CD1B: variants seen among roughly 807,000 people sequenced by gnomAD.
CD1B encodes T-cell surface glycoprotein CD1b.
A neutral mutation model predicts 39.8 loss-of-function variants in CD1B; 43 were observed. The ratio of observed to expected loss-of-function variants is 1.08; its 90% confidence interval spans 0.85 to 1.39. The LOEUF is 1.39. Among genes scored for constraint, CD1B ranks in the 40% most tolerant of loss-of-function variants. CD1B has a pLI of 0.00. For synonymous variants in CD1B, 192 were observed against 152.5 expected (o/e 1.26, Z -1.91); for missense variants, 495 against 403.8 (o/e 1.23, Z -1.94).
chr1:158,330,535 A>G (rs1412050110), intron 2 of CD1B: 2 of 654,172 alleles, frequency 3.1e-6, no homozygotes, highest in Non-Finnish European at 5.6e-6. Context: ...CTTGAGGAGA[A>G]GTTTCACATA....
At chr1:158,292,088 C>T in the CD1B span, 12 of 1,613,050 alleles carry the variant, frequency 7.4e-6, no homozygotes, top group South Asian at 1.3e-4. Context: ...CTCCAGATCC[C>T]TTTGAAGTAC....
chr1:158,329,142 C>A, intron 4 of CD1B, 128 bp from the exon 5 acceptor site: 1 of 937,244 alleles, frequency 1.1e-6, no homozygotes, highest in East Asian at 2.6e-5. Context: ...TCCTGGCCAC[C>A]ATATATCCAT....
chr1:158,329,028 G>A lies in CD1B; in HGVS notation c.887-14C>T. 6 of 1,595,248 alleles carry A rather than the reference G, an allele frequency of 3.8e-6. No individual in the cohort carries two copies. The highest frequency in any genetic ancestry group is 4.3e-6 in the Non-Finnish European group (5 of 1,165,724). ...AGGTGGGGTTTCCTGGCAATTGAGA[G>A]AGGACAAAAGGATGTCACTTCAGAT... On this transcript the variant is annotated splice_polypyrimidine_tract_variant and intron_variant, in intron 4 of 5. Transcript: ENST00000368168.
chr1:158,319,385 AC>A, the CD1B span, among the ~76,000 whole-genome samples: 4 of 151,790 alleles, frequency 2.6e-5, no homozygotes, highest in Non-Finnish European at 5.9e-5. Flanking sequence ...TTTTCTCTAA[AC>A]TTCCCTTCTC....
At chr1:158,289,554 G>T in the CD1B span, among the ~76,000 whole-genome samples, 1 of 152,142 alleles carries the variant, frequency 6.6e-6, no homozygotes, top group Admixed American at 6.5e-5. Context: ...ATTGGAAAGA[G>T]AAAACTTTGA....
chr1:158,315,354 T>G, the CD1B span, among the ~76,000 whole-genome samples: 2 of 151,682 alleles, frequency 1.3e-5, no homozygotes, highest in African/African-American at 4.8e-5. Context: ...CCATTCTAAC[T>G]GGTGTGAGAT....
the CD1B span, among the ~76,000 whole-genome samples, chr1:158,304,766 A>G: frequency 1.3e-5 from 2 of 152,126 alleles, no homozygotes; most frequent in Non-Finnish European, 2.9e-5. Context: ...CGGCAGCAAC[A>G]TTTGCTGTTC....
At chr1:158,287,302 C>CAG in the CD1B span, among the ~76,000 whole-genome samples, 3 of 151,990 alleles carry the variant, frequency 2.0e-5, no homozygotes, top group African/African-American at 7.3e-5. Flanking sequence ...CACACACACA[C>CAG]AGAGACAGAG....
the CD1B span, among the ~76,000 whole-genome samples, chr1:158,312,317 A>C: frequency 6.6e-6 from 1 of 152,160 alleles, no homozygotes; most frequent in Non-Finnish European, 1.5e-5. Flanking sequence ...AGTAGTTTCC[A>C]TGCACAAACT....
At chr1:158,312,077 C>T in the CD1B span, among the ~76,000 whole-genome samples, 8 of 152,192 alleles carry the variant, frequency 5.3e-5, no homozygotes, top group South Asian at 8.3e-4. Context: ...CTGTAGATTG[C>T]TTTGGGTAGT....
At chr1:158,305,752 C>A in the CD1B span, among the ~76,000 whole-genome samples, 1 of 152,194 alleles carries the variant, frequency 6.6e-6, no homozygotes, top group Non-Finnish European at 1.5e-5. Context: ...ACTCTACAAG[C>A]CAGAAGAGAG....
At chr1:158,289,725 AC>A in the CD1B span, 1 of 201,450 alleles carries the variant, frequency 5.0e-6, no homozygotes, top group Non-Finnish European at 1.0e-5. Flanking sequence ...CTTACAAATG[AC>A]ATGCAAAATC....
At chr1:158,307,636 G>A in the CD1B span, among the ~76,000 whole-genome samples, 1 of 152,078 alleles carries the variant, frequency 6.6e-6, no homozygotes, top group Admixed American at 6.6e-5. Flanking sequence ...AACAAAAAAA[G>A]ACAATTTTAG....
chr1:158,307,545 A>G, the CD1B span, among the ~76,000 whole-genome samples: 2 of 152,186 alleles, frequency 1.3e-5, no homozygotes, highest in East Asian at 1.9e-4. Context: ...AATTATTCCA[A>G]TCAATAGAAA....
At chr1:158,315,138 G>A in the CD1B span, among the ~76,000 whole-genome samples, 7 of 151,962 alleles carry the variant, frequency 4.6e-5, no homozygotes, top group Admixed American at 4.6e-4. Context: ...TGTCTTTATA[G>A]CAGCATGATT....
At chr1:158,319,381 C>T in the CD1B span, among the ~76,000 whole-genome samples, 2 of 152,106 alleles carry the variant, frequency 1.3e-5, no homozygotes, top group Admixed American at 6.5e-5. Flanking sequence ...TCTTTTTTCT[C>T]TAAACTTCCC....
the CD1B span, chr1:158,292,715 C>T: frequency 1.2e-6 from 2 of 1,614,190 alleles, no homozygotes; most frequent in Non-Finnish European, 1.7e-6. Context: ...GCGGAATGAA[C>T]AGGAGCAACT....
At chr1:158,322,995 T>A (rs1251173882), downstream of CD1B, among the ~76,000 whole-genome samples, 1 of 152,204 alleles carries the variant, frequency 6.6e-6, no homozygotes, top group Non-Finnish European at 1.5e-5. Context: ...ATATGATTGA[T>A]GGCCTTTGAC....
At chr1:158,298,983 T>G in the CD1B span, among the ~76,000 whole-genome samples, 1 of 152,192 alleles carries the variant, frequency 6.6e-6, no homozygotes, top group African/African-American at 2.4e-5. Context: ...TGACTTCCTC[T>G]GTTCCTAATT....
Sources: allele counts gnomAD v4.1 joint callset (sites outside exome capture counted in the v4.1 genomes callset), GRCh38; gene constraint gnomAD v4.1.1; transcripts MANE v1.5; gene names NCBI Gene and HGNC (gene_info 2026-07-23, HGNC 2026-07-21).